MUSK: variants seen among roughly 807,000 people sequenced by gnomAD.
MUSK encodes muscle, skeletal receptor tyrosine-protein kinase.
A neutral mutation model predicts 88.7 loss-of-function variants in MUSK; 55 were observed. That is an observed-to-expected ratio of 0.62 (90% confidence interval 0.50 to 0.78). MUSK has a LOEUF of 0.78. Ranked by LOEUF, MUSK falls within the 30% of genes least tolerant of loss-of-function variation. The pLI, the probability that MUSK is intolerant of heterozygous loss-of-function variation, is 0.00. For missense variants in MUSK, 1,015 were observed against 1,074.3 expected (o/e 0.94, Z 0.77); for synonymous variants, 387 against 391.9 (o/e 0.99, Z 0.15).
chr9:110,736,316 G>C (rs1225595449), intron 6 of MUSK, among the ~76,000 whole-genome samples: 2 of 152,052 alleles, frequency 1.3e-5, no homozygotes, highest in Non-Finnish European at 2.9e-5. Flanking sequence ...TAAACAGAAA[G>C]TTAGACCTCA....
At chr9:110,702,975 T>C (rs1403215722) in intron 5 of MUSK, among the ~76,000 whole-genome samples, 1 of 151,704 alleles carries the variant, frequency 6.6e-6, no homozygotes, top group African/African-American at 2.4e-5. Context: ...ACACAAAACA[T>C]TGGTTCCAGG....
chr9:110,799,882 G>A (rs2132063782), intron 14 of MUSK, among the ~76,000 whole-genome samples: 1 of 152,282 alleles, frequency 6.6e-6, no homozygotes, highest in Admixed American at 6.5e-5. Context: ...AAGAGGAGAT[G>A]TTTAGGCAGA....
chr9:110,725,596 C>G lies in MUSK; in HGVS notation c.629-8655C>G, dbSNP rs757001613. Among the ~76,000 whole-genome samples, 98 of 151,920 alleles carry G rather than the reference C, an allele frequency of 6.5e-4. 2 individuals are homozygous for G. Among genetic ancestry groups the G allele is most frequent in the Admixed American group, 3.3e-4 (5 of 15,242 alleles). The stretch of plus-strand genomic sequence containing the variant: ...TAAATACCCTATTGGACAGTTCCAA[C>G]AAAATAGGATGAAAATGCCCCACTA... On this transcript the variant is annotated intron_variant, in intron 5 of 14. Transcript: ENST00000374448.
At chr9:110,755,949 TAC>T (rs1186165300) in intron 7 of MUSK, among the ~76,000 whole-genome samples, 4,534 of 51,856 alleles carry the variant, frequency 0.087, 368 homozygotes, top group African/African-American at 0.28. Flanking sequence ...TATATATATA[TAC>T]ACATATATAT....
At chr9:110,733,095 A>C (rs2076985194) in intron 5 of MUSK, among the ~76,000 whole-genome samples, 1 of 152,090 alleles carries the variant, frequency 6.6e-6, no homozygotes, top group Non-Finnish European at 1.5e-5. Flanking sequence ...TAAGTTTCAA[A>C]GCATTGTGCT....
intron 3 of MUSK, among the ~76,000 whole-genome samples, chr9:110,689,306 T>A (rs1266479344): frequency 8.5e-6 from 1 of 117,422 alleles, no homozygotes; most frequent in African/African-American, 3.5e-5. Context: ...TATATATTTA[T>A]ATTTAAATAT....
intron 7 of MUSK, among the ~76,000 whole-genome samples, chr9:110,750,100 C>T (rs1434183995): frequency 1.3e-5 from 2 of 151,994 alleles, no homozygotes; most frequent in Admixed American, 1.3e-4. Context: ...GAGAGAGAAT[C>T]ACATTTAAAT....
rs568082600 is a variant in MUSK at position 110,719,606 on chromosome 9, C to A, written c.629-14645C>A. ...AATTTATAAAACAATTATTACTAGA[C>A]CTTAAAAATAAGATAGATGGCAACA... On this transcript the variant is annotated intron_variant, in intron 5 of 14. Transcript: ENST00000374448. Among the ~76,000 whole-genome samples, 35 of 151,964 alleles carry A rather than the reference C, an allele frequency of 2.3e-4. 1 individual carries two copies. The highest frequency in any genetic ancestry group is 2.5e-4 in the Non-Finnish European group (17 of 67,962).
chr9:110,684,221 C>T (rs143274936), intron 2 of MUSK, among the ~76,000 whole-genome samples: 1 of 152,118 alleles, frequency 6.6e-6, no homozygotes, highest in Admixed American at 6.6e-5. Context: ...TTCCACACAT[C>T]ATTTACTGAA....
chr9:110,768,133 A>T (rs1338194729), intron 9 of MUSK, 50 bp downstream of exon 9: 2 of 1,525,894 alleles, frequency 1.3e-6, no homozygotes, highest in Admixed American at 4.0e-5. Context: ...TTCTATCTGC[A>T]CAACAGAAGG....
chr9:110,799,697 A>G (rs1052662057), intron 14 of MUSK, among the ~76,000 whole-genome samples: 4 of 152,214 alleles, frequency 2.6e-5, no homozygotes, highest in Non-Finnish European at 5.9e-5. Context: ...AATAAGGTTC[A>G]ATCTCTCCTT....
chr9:110,767,717 C>A, intron 8 of MUSK, 103 bp from the exon 9 acceptor site: 1 of 1,313,576 alleles, frequency 7.6e-7, no homozygotes. Context: ...CAATTTTCTC[C>A]TATTTCTGAG....
At position 110,805,246 on chromosome 9, in the gene MUSK, T is replaced by C. The variant is rs2078147410; in HGVS notation, c.*4258T>C. ...AAAGGATAAATGCACTTTTAATACT[T>C]TTTAAATATATTAAAAAATTACCTT... On this transcript the variant is annotated 3_prime_UTR_variant, in exon 15 of 15. Transcript: ENST00000374448. Among the ~76,000 whole-genome samples, 1 of 151,934 alleles carries C rather than the reference T, an allele frequency of 6.6e-6. No homozygotes were observed. Among genetic ancestry groups the C allele is most frequent in the Admixed American group, 6.6e-5 (1 of 15,260 alleles).
At chr9:110,682,630 C>G in intron 1 of MUSK, 44 bp from the exon 2 acceptor site, 2 of 1,598,364 alleles carry the variant, frequency 1.3e-6, no homozygotes, top group Non-Finnish European at 1.7e-6. Context: ...GGTTAGTAAA[C>G]AAAATTCTAG....
Position 110,801,053 on chromosome 9 carries a change from A to T in MUSK, c.*65A>T. The T allele has an allele frequency of 7.3e-7, 1 of 1,372,678 alleles. No homozygotes were observed. Among genetic ancestry groups the T allele is most frequent in the Non-Finnish European group, 9.6e-7 (1 of 1,040,736 alleles). The allele number at this position is 1,372,678 out of a possible 1,614,324, so 85.0% of individuals were successfully genotyped here. A position where few individuals can be genotyped will look rare whatever the true frequency, so the allele number is the denominator to read the frequency against. On this transcript the variant is annotated 3_prime_UTR_variant, in exon 15 of 15. Coordinates refer to ENST00000374448, the MANE Select transcript of MUSK (RefSeq NM_005592.4). ...AGACTCTGTGAGCCAGGGGAATCCT[A>T]CACCAGAGGCCCAACAAGACCCACA...
intron 5 of MUSK, among the ~76,000 whole-genome samples, chr9:110,730,966 C>T (rs754244155): frequency 3.9e-5 from 6 of 152,068 alleles, no homozygotes; most frequent in Non-Finnish European, 7.4e-5. Flanking sequence ...TACTTACACA[C>T]ATCAACCCTA....
intron 5 of MUSK, among the ~76,000 whole-genome samples, chr9:110,701,729 AT>A (rs1310211990): frequency 0.019 from 2 of 104 alleles, no homozygotes; most frequent in East Asian, 0.17. Flanking sequence ...ATTTTATTTT[AT>A]TTTATTTTAT....
chr9:110,761,949 G>A (rs1408801397), intron 7 of MUSK: 2 of 983,186 alleles, frequency 2.0e-6, no homozygotes, highest in Non-Finnish European at 2.4e-6. Context: ...TTGCCTTGGT[G>A]GATGTTACCC....
rs1401276368 is a variant in MUSK at position 110,694,403 on chromosome 9, AAAAC to A, written c.359-996_359-993del. On this transcript the variant is annotated intron_variant, in intron 3 of 14. Coordinates refer to ENST00000374448, the MANE Select transcript of MUSK (RefSeq NM_005592.4). ...TCCGTCTCAAAAAAAAAAAAAAAAAAAAACAAAAAAACAAAACCCAACAGGTCAT... is the reference window on the plus strand; with the variant it reads ...TCCGTCTCAAAAAAAAAAAAAAAAAAAAAAAAACAAAACCCAACAGGTCAT... 3.4e-3 allele frequency among the ~76,000 whole-genome samples: 451 copies of A among 132,558 alleles called. 14 individuals carry two copies. The highest frequency in any genetic ancestry group is 0.013 in the African/African-American group (420 of 31,720). 87.0% of individuals were successfully genotyped at this position (132,558 alleles called of 152,430 possible). A position where few individuals can be genotyped will look rare whatever the true frequency, so the allele number is the denominator to read the frequency against.
Sources: allele counts gnomAD v4.1 joint callset (sites outside exome capture counted in the v4.1 genomes callset), GRCh38; gene constraint gnomAD v4.1.1; transcripts MANE v1.5; gene names NCBI Gene and HGNC (gene_info 2026-07-23, HGNC 2026-07-21).